Variants in ADAMTS19 observed in about 807,000 individuals in gnomAD.
ADAMTS19 encodes ADAM metallopeptidase with thrombospondin type 1 motif 19.
A neutral mutation model predicts 153.3 loss-of-function variants in ADAMTS19; 93 were observed. The ratio of observed to expected loss-of-function variants is 0.61; its 90% confidence interval spans 0.51 to 0.72. The LOEUF (loss-of-function observed/expected upper bound fraction) is 0.72, where lower values mean the gene tolerates loss of function less well. ADAMTS19 is among the 30% of genes least tolerant of loss of function. The pLI is 0.00. For missense variants in ADAMTS19, 1,482 were observed against 1,552.1 expected, an observed-to-expected ratio of 0.95 and a Z score of 0.76; for synonymous variants, 600 against 556.6, an observed-to-expected ratio of 1.08 and a Z score of -1.10.
intron 17 of ADAMTS19, among the ~76,000 whole-genome samples, chr5:129,683,706 G>A (rs1384707006): frequency 6.6e-6 from 1 of 151,302 alleles, no homozygotes; most frequent in African/African-American, 2.4e-5. Flanking sequence ...TTAGATTGTG[G>A]GTCACACCTT....
intron 3 of ADAMTS19, among the ~76,000 whole-genome samples, chr5:129,519,852 C>T (rs1751736614): frequency 6.6e-6 from 1 of 151,936 alleles, no homozygotes; most frequent in South Asian, 2.1e-4. Flanking sequence ...ATCTAGTTTC[C>T]AATTTTTCTA....
chr5:129,495,780 T>C (rs1408194811), intron 2 of ADAMTS19, among the ~76,000 whole-genome samples: 1 of 152,152 alleles, frequency 6.6e-6, no homozygotes, highest in Admixed American at 6.6e-5. Flanking sequence ...TGGTCATGCA[T>C]GGACATAATA....
chr5:129,472,917 G>A (rs1220635470), intron 2 of ADAMTS19, among the ~76,000 whole-genome samples: 1 of 151,594 alleles, frequency 6.6e-6, no homozygotes, highest in Non-Finnish European at 1.5e-5. Flanking sequence ...AAGTTCAGAT[G>A]CGGATAAAGG....
chr5:129,624,655 A>T (rs1165717356), intron 10 of ADAMTS19, among the ~76,000 whole-genome samples: 1 of 152,152 alleles, frequency 6.6e-6, no homozygotes, highest in Non-Finnish European at 1.5e-5. Context: ...ATGATCAACT[A>T]CACACGATTC....
At chr5:129,579,704 A>G (rs1183278416) in intron 7 of ADAMTS19, among the ~76,000 whole-genome samples, 2 of 152,114 alleles carry the variant, frequency 1.3e-5, no homozygotes, top group Non-Finnish European at 2.9e-5. Context: ...TCCTTTCCCC[A>G]TTGCTTGTTT....
At chr5:129,725,349 G>C (rs952868854) in intron 21 of ADAMTS19, among the ~76,000 whole-genome samples, 3 of 152,070 alleles carry the variant, frequency 2.0e-5, no homozygotes, top group African/African-American at 7.2e-5. Context: ...GGGGTGAGCT[G>C]TCCACATGCA....
chr5:129,694,754 C>T lies in ADAMTS19; in HGVS notation c.2853C>T (p.Ile951=). ...ERKTTVSCTK[I]MSKNISIVDN... is the part of the protein sequence containing the mutation. ...AGACAACAGTGTCCTGCACAAAAATCATGAGCAAAAATATCAGCATTGTGG... is the reference window on the plus strand; with the variant it reads ...AGACAACAGTGTCCTGCACAAAAATTATGAGCAAAAATATCAGCATTGTGG... The change falls in exon 19 of 23, where the codon ATC becomes ATT. Residue 951 remains isoleucine (I), a synonymous_variant. Coordinates refer to ENST00000274487, the MANE Select transcript of ADAMTS19 (RefSeq NM_133638.6). The T allele has an allele frequency of 6.2e-7, 1 of 1,605,612 alleles. No individual in the cohort carries two copies. Among genetic ancestry groups the T allele is most frequent in the South Asian group, 1.1e-5 (1 of 89,498 alleles).
intron 6 of ADAMTS19, among the ~76,000 whole-genome samples, chr5:129,550,703 A>T (rs901740566): frequency 9.3e-5 from 13 of 140,170 alleles, no homozygotes; most frequent in African/African-American, 3.6e-4. Context: ...TATTGTGCTT[A>T]ATTTTAAGTC....
chr5:129,658,673 A>C lies in ADAMTS19; in HGVS notation c.2361A>C (p.Val787=), dbSNP rs202188737. The stretch of plus-strand genomic sequence containing the variant: ...TTGCAAGAGAAGATCATTGTGGTGT[A>C]TGCAATGGCAATGGAAAATCATGCA... ...GSLAREDHCG[V]CNGNGKSCKI... Residue 787 remains valine (V), a synonymous_variant, in exon 15 of 23, where the codon GTA becomes GTC. Coordinates refer to ENST00000274487, the MANE Select transcript of ADAMTS19 (RefSeq NM_133638.6). The C allele has an allele frequency of 1.2e-6, 2 of 1,613,488 alleles. No homozygotes were observed. The highest frequency in any genetic ancestry group is 1.7e-6 in the Non-Finnish European group (2 of 1,179,640).
At chr5:129,608,116 G>GTATATATATA (rs1554098182) in intron 8 of ADAMTS19, among the ~76,000 whole-genome samples, 2,699 of 47,824 alleles carry the variant, frequency 0.056, 225 homozygotes, top group Non-Finnish European at 0.093. Context: ...GTGTGTGTGT[G>GTATATATATA]TATATATATA....
At chr5:129,669,862 T>C (rs1754225633) in intron 16 of ADAMTS19, among the ~76,000 whole-genome samples, 1 of 152,146 alleles carries the variant, frequency 6.6e-6, no homozygotes, top group African/African-American at 2.4e-5. Flanking sequence ...GTTTAATTTC[T>C]ACAAATTTGT....
At chr5:129,615,275 C>T (rs915850260) in intron 8 of ADAMTS19, among the ~76,000 whole-genome samples, 7 of 151,910 alleles carry the variant, frequency 4.6e-5, no homozygotes, top group Non-Finnish European at 1.0e-4. Flanking sequence ...TGGAAAGGAA[C>T]TATACAAAAG....
chr5:129,702,941 A>AAAAATATATAT, intron 20 of ADAMTS19, among the ~76,000 whole-genome samples: 21 of 29,290 alleles, frequency 7.2e-4, no homozygotes, highest in East Asian at 5.4e-3. Flanking sequence ...AAAAAAAAAA[A>AAAAATATATAT]ATATATATAT....
intron 17 of ADAMTS19, among the ~76,000 whole-genome samples, chr5:129,680,599 A>T (rs1312120241): frequency 6.6e-6 from 1 of 151,970 alleles, no homozygotes; most frequent in African/African-American, 2.4e-5. Flanking sequence ...TCTACTAAAA[A>T]CAAAACAAAA....
At chr5:129,708,685 T>A (rs546213425) in intron 21 of ADAMTS19, among the ~76,000 whole-genome samples, 64 of 151,646 alleles carry the variant, frequency 4.2e-4, no homozygotes, top group South Asian at 6.3e-4. Context: ...AACCCTTTCA[T>A]GCAGTATTAA....
intron 6 of ADAMTS19, among the ~76,000 whole-genome samples, chr5:129,543,732 A>G (rs1752748526): frequency 6.6e-6 from 1 of 152,200 alleles, no homozygotes; most frequent in African/African-American, 2.4e-5. Context: ...AGCGGGCCTG[A>G]GTCTTTGCCT....
intron 21 of ADAMTS19, among the ~76,000 whole-genome samples, chr5:129,724,942 C>T (rs1213723903): frequency 1.3e-5 from 2 of 152,112 alleles, no homozygotes; most frequent in Non-Finnish European, 2.9e-5. Flanking sequence ...GAAGGACCCT[C>T]AATGTTGAAC....
At chr5:129,675,585 C>G (rs1332193341) in intron 16 of ADAMTS19, among the ~76,000 whole-genome samples, 1 of 151,956 alleles carries the variant, frequency 6.6e-6, no homozygotes, top group Non-Finnish European at 1.5e-5. Context: ...TATTCTGTGA[C>G]TTTATCATTA....
chr5:129,669,510 C>A (rs1319585738), intron 16 of ADAMTS19, among the ~76,000 whole-genome samples: 1 of 151,938 alleles, frequency 6.6e-6, no homozygotes, highest in African/African-American at 2.4e-5. Context: ...CTTTTGTTCC[C>A]TTAGTCAGTC....
Sources: allele counts gnomAD v4.1 joint callset (sites outside exome capture counted in the v4.1 genomes callset), GRCh38; gene constraint gnomAD v4.1.1; transcripts MANE v1.5; gene names NCBI Gene and HGNC (gene_info 2026-07-23, HGNC 2026-07-21).